Variants in CYTH3 observed in about 807,000 individuals in gnomAD.
CYTH3 encodes the protein cytohesin-3.
Under a neutral mutation model 55.1 loss-of-function variants are expected in CYTH3, and 23 were observed. The ratio of observed to expected loss-of-function variants is 0.42; its 90% CI spans 0.30 to 0.59. The LOEUF is 0.59. Among genes scored for constraint, CYTH3 ranks in the 20% least tolerant of loss-of-function variants. The pLI is 0.20. For missense variants in CYTH3, 413 were observed against 524.8 expected (o/e 0.79, Z 2.08); for synonymous variants, 249 against 194.9 (o/e 1.28, Z -2.31).
At chr7:6,191,193 A>T (rs1417481925) in intron 1 of CYTH3, among the ~76,000 whole-genome samples, 1 of 152,168 alleles carries the variant, frequency 6.6e-6, no homozygotes, top group African/African-American at 2.4e-5. Flanking sequence ...CACGTCTCTA[A>T]TCCCAGCACT....
At chr7:6,269,057 A>T (rs1780583098) in intron 1 of CYTH3, among the ~76,000 whole-genome samples, 2 of 152,122 alleles carry the variant, frequency 1.3e-5, no homozygotes, top group South Asian at 4.1e-4. Context: ...TAAGGGAAAT[A>T]ACCTGTTTTT....
intron 1 of CYTH3, among the ~76,000 whole-genome samples, chr7:6,205,993 A>G (rs1784179008): frequency 6.6e-6 from 1 of 152,100 alleles, no homozygotes; most frequent in Non-Finnish European, 1.5e-5. Flanking sequence ...AACCCAAAAC[A>G]GAAAATAATA....
rs1254186622 is a variant in CYTH3, at chr7:6,171,532, G to A, written c.450-218C>T. Among the ~76,000 whole-genome samples, 1 of 152,066 alleles carries A rather than the reference G, an allele frequency of 6.6e-6. No homozygotes were observed. The highest frequency in any genetic ancestry group is 1.5e-5 in the Non-Finnish European group (1 of 67,998). On this transcript the variant is annotated intron_variant, in intron 6 of 12. Transcript: ENST00000350796. This position sits in a 1 kb window ranked among gnomAD's most constrained non-coding sequence, Gnocchi z 6.7. ...ACGCTTACTGATGGCTCATCTTTTT[G>A]TAACTACAACCAATTCAGCAGCGAG...
chr7:6,263,779 C>A (rs975813207), intron 1 of CYTH3, among the ~76,000 whole-genome samples: 1 of 148,028 alleles, frequency 6.8e-6, no homozygotes, highest in Non-Finnish European at 1.5e-5. Context: ...GCCTGGGAAA[C>A]AGAGTGAGGA....
At chr7:6,226,631 C>A (rs879767052) in intron 1 of CYTH3, among the ~76,000 whole-genome samples, 2 of 152,150 alleles carry the variant, frequency 1.3e-5, no homozygotes, top group African/African-American at 2.4e-5. Flanking sequence ...CATTTCAACC[C>A]GTGTTGTGAG....
chr7:6,217,416 C>G (rs547728523), intron 1 of CYTH3, among the ~76,000 whole-genome samples: 41 of 152,070 alleles, frequency 2.7e-4, no homozygotes, highest in Non-Finnish European at 4.7e-4. Flanking sequence ...AAAAAGAAAG[C>G]AGGTGTGGCT....
rs1030138586 is a variant in CYTH3, at chr7:6,169,845, TG to T, written c.823+689del. On this transcript the variant is annotated intron_variant, in intron 9 of 12. Coordinates refer to ENST00000350796, the MANE Select transcript of CYTH3 (RefSeq NM_004227.4). This position sits in a 1 kb window ranked among gnomAD's most constrained non-coding sequence, Gnocchi z 4.1. ...GCTGCGGACCCCTAGAGACACAGGG[TG>T]GGGGGCAAGTTGGTTCCCACACAGC... Among the ~76,000 whole-genome samples, 15 of 151,822 alleles carry T rather than the reference TG, an allele frequency of 9.9e-5. No homozygotes were observed. Among genetic ancestry groups the T allele is most frequent in the African/African-American group, 3.6e-4 (15 of 41,304 alleles).
At chr7:6,192,803 G>A (rs1210552210) in intron 1 of CYTH3, among the ~76,000 whole-genome samples, 1 of 151,406 alleles carries the variant, frequency 6.6e-6, no homozygotes, top group African/African-American at 2.4e-5. Flanking sequence ...AAAATGCTGA[G>A]ATTACAGGCC....
At position 6,169,611 on chromosome 7, in the gene CYTH3, G is replaced by A. The variant is rs1170068544; in HGVS notation, c.823+924C>T. On this transcript the variant is annotated intron_variant, in intron 9 of 12. Transcript: ENST00000350796. This position sits in a 1 kb window ranked among gnomAD's most constrained non-coding sequence, Gnocchi z 4.1. ...AAAGGCTTGCGTGAACCCAGCTACCGCATCTCGCCCGCTTCACTGTGGGCA... is the reference window on the plus strand; with the variant it reads ...AAAGGCTTGCGTGAACCCAGCTACCACATCTCGCCCGCTTCACTGTGGGCA... Among the ~76,000 whole-genome samples, 2 of 152,170 alleles carry A rather than the reference G, an allele frequency of 1.3e-5. No homozygotes were observed. Among genetic ancestry groups the A allele is most frequent in the African/African-American group, 2.4e-5 (1 of 41,428 alleles).
At chr7:6,243,691 A>G (rs1427763635) in intron 1 of CYTH3, among the ~76,000 whole-genome samples, 1 of 152,250 alleles carries the variant, frequency 6.6e-6, no homozygotes, top group Non-Finnish European at 1.5e-5. Context: ...ATGACTTCCT[A>G]GAATATTCCT....
intron 2 of CYTH3, among the ~76,000 whole-genome samples, chr7:6,189,827 G>C (rs1783752692): frequency 6.6e-6 from 1 of 152,056 alleles, no homozygotes; most frequent in South Asian, 2.1e-4. Flanking sequence ...ACGAGGTCAG[G>C]AGATCAAGAC....
intron 1 of CYTH3, among the ~76,000 whole-genome samples, chr7:6,241,162 A>G (rs765170277): frequency 4.6e-5 from 7 of 152,146 alleles, no homozygotes; most frequent in Non-Finnish European, 7.3e-5. Flanking sequence ...AAACACACAC[A>G]TGATCTTCTG....
Position 6,272,623 on chromosome 7 carries a change from G to A in CYTH3, c.-116C>T, listed in dbSNP as rs1032739055. Reference sequence around the variant, plus strand: ...CGGGCGGCTCCTCAGCGCGCGGCCCGGGTCGCGGCCGGGCCTCCTCCCGCC... The same window carrying A: ...CGGGCGGCTCCTCAGCGCGCGGCCCAGGTCGCGGCCGGGCCTCCTCCCGCC... On this transcript the variant is annotated 5_prime_UTR_variant, in exon 1 of 13. Coordinates refer to ENST00000350796, the MANE Select transcript of CYTH3 (RefSeq NM_004227.4). 6 of 750,890 alleles carry A rather than the reference G, an allele frequency of 8.0e-6. No individual in the cohort carries two copies. Among genetic ancestry groups the A allele is most frequent in the African/African-American group, 7.7e-5 (4 of 52,252 alleles). 46.5% of individuals were successfully genotyped at this position (750,890 alleles called of 1,614,324 possible).
chr7:6,205,875 TAAAAAAAAA>T (rs370194149), intron 1 of CYTH3, among the ~76,000 whole-genome samples: 1,810 of 28,012 alleles, frequency 0.065, 24 homozygotes, highest in Middle Eastern at 0.12. Flanking sequence ...TCCTATCTCT[TAAAAAAAAA>T]AAAAAAAAAA....
intron 4 of CYTH3, among the ~76,000 whole-genome samples, chr7:6,183,770 C>T (rs1208626053): frequency 6.6e-6 from 1 of 152,114 alleles, no homozygotes; most frequent in Admixed American, 6.6e-5. Flanking sequence ...GCCCAAACCC[C>T]CACTGTGATG....
intron 1 of CYTH3, among the ~76,000 whole-genome samples, chr7:6,205,323 G>A (rs763729573): frequency 7.9e-5 from 12 of 152,074 alleles, no homozygotes; most frequent in Admixed American, 1.3e-4. Context: ...CCTGTAATCC[G>A]GAACTTTGGG....
intron 1 of CYTH3, among the ~76,000 whole-genome samples, chr7:6,254,703 G>A (rs1012097345): frequency 6.6e-6 from 1 of 152,186 alleles, no homozygotes; most frequent in Non-Finnish European, 1.5e-5. Flanking sequence ...GCGCACCTTG[G>A]CCTCCCAAAG....
chr7:6,242,666 C>A (rs546501504), intron 1 of CYTH3, among the ~76,000 whole-genome samples: 148 of 152,208 alleles, frequency 9.7e-4, no homozygotes, highest in African/African-American at 3.0e-3. Context: ...TGAAGAGGGG[C>A]CTTCTTAAGG....
Position 6,167,680 on chromosome 7 carries a change from G to A in CYTH3, c.824-1870C>T, listed in dbSNP as rs1783054216. 6.6e-6 allele frequency among the ~76,000 whole-genome samples: 1 copy of A among 152,226 alleles called. No individual in the cohort carries two copies. Among genetic ancestry groups the A allele is most frequent in the Admixed American group, 6.5e-5 (1 of 15,290 alleles). Reference sequence around the variant, plus strand: ...CTGCCCTTCCTGGCTCCCCAGCTGTGGCCTTTCTCCCTGCCCTGTTATCTG... The same window carrying A: ...CTGCCCTTCCTGGCTCCCCAGCTGTAGCCTTTCTCCCTGCCCTGTTATCTG... On this transcript the variant is annotated intron_variant, in intron 9 of 12. Coordinates refer to ENST00000350796, the MANE Select transcript of CYTH3 (RefSeq NM_004227.4). The surrounding 1 kb of genome is among the most constrained non-coding windows in gnomAD (Gnocchi z 5.5).
Sources: allele counts gnomAD v4.1 joint callset (sites outside exome capture counted in the v4.1 genomes callset), GRCh38; gene constraint gnomAD v4.1.1; non-coding constraint Gnocchi (gnomAD v3.1); transcripts MANE v1.5; gene names NCBI Gene and HGNC (gene_info 2026-07-23, HGNC 2026-07-21).